Variants in FOXP1 observed in about 807,000 individuals in gnomAD.
The protein encoded by FOXP1 is forkhead box P1.
A neutral mutation model predicts 98.2 loss-of-function variants in FOXP1; 15 were observed. The ratio of observed to expected loss-of-function variants is 0.15; its 90% CI spans 0.10 to 0.24. The LOEUF (loss-of-function observed/expected upper bound fraction) is 0.24. Ranked by LOEUF, FOXP1 falls within the 10% of genes least tolerant of loss-of-function variation. The pLI is 1.00. For missense variants in FOXP1, 633 were observed against 848.5 expected (o/e 0.75, Z 3.15); for synonymous variants, 371 against 314.5 (o/e 1.18, Z -1.90).
In FOXP1 at chr3:71,541,265, G is replaced by T. The variant is rs530956300; in HGVS notation, c.-298+40284C>A. On this transcript the variant is annotated intron_variant, in intron 2 of 20. Coordinates refer to ENST00000649528, the MANE Select transcript of FOXP1 (RefSeq NM_001349338.3). Reference sequence around the variant, plus strand: ...ATTCTCAGTCCCTGTTAAAAGAGAAGAATAATATTTGGGCATATGTAGACA... The same window carrying T: ...ATTCTCAGTCCCTGTTAAAAGAGAATAATAATATTTGGGCATATGTAGACA... Among the ~76,000 whole-genome samples, 149 of 152,214 alleles carry T rather than the reference G, an allele frequency of 9.8e-4. 1 individual carries two copies. The highest frequency in any genetic ancestry group is 6.8e-3 in the Middle Eastern group (2 of 294).
At chr3:70,962,853 G>A (rs1361031553) in intron 20 of FOXP1, among the ~76,000 whole-genome samples, 1 of 152,136 alleles carries the variant, frequency 6.6e-6, no homozygotes, top group African/African-American at 2.4e-5. Context: ...AGTTCTTGCT[G>A]TATAATTTTA....
At chr3:71,583,451 C>G in intron 1 of FOXP1, 120 bp downstream of exon 1, 1 of 966,018 alleles carries the variant, frequency 1.0e-6, no homozygotes, top group Non-Finnish European at 1.2e-6. Context: ...TTTTTTTTCT[C>G]TTTTTCTTTC....
intron 6 of FOXP1, among the ~76,000 whole-genome samples, chr3:71,193,027 T>C (rs2063084873): frequency 6.6e-6 from 1 of 152,176 alleles, no homozygotes; most frequent in African/African-American, 2.4e-5. Context: ...GATACTATGG[T>C]CCCTCAAATA....
chr3:71,359,452 T>C (rs895540481), intron 3 of FOXP1, among the ~76,000 whole-genome samples: 1 of 152,192 alleles, frequency 6.6e-6, no homozygotes, highest in Non-Finnish European at 1.5e-5. Flanking sequence ...AGGAGGAGGA[T>C]GCAAAATGTT....
Position 71,528,938 on chromosome 3 carries a change from C to A in FOXP1, c.-297-35383G>T, listed in dbSNP as rs144610905. On this transcript the variant is annotated intron_variant, in intron 2 of 20. Transcript: ENST00000649528. Reference sequence around the variant, plus strand: ...AGGAATAGCGATCATGAATGTTTAACTTAGTAATGCTAAACTAAGAAGCAT... The same window carrying A: ...AGGAATAGCGATCATGAATGTTTAAATTAGTAATGCTAAACTAAGAAGCAT... 3.1e-3 allele frequency among the ~76,000 whole-genome samples: 471 copies of A among 152,280 alleles called. 3 individuals are homozygous for A. The highest frequency in any genetic ancestry group is 0.011 in the African/African-American group (464 of 41,546).
At chr3:71,573,480 T>A (rs1163122404) in intron 2 of FOXP1, 3 of 152,068 alleles carry the variant, frequency 2.0e-5, no homozygotes, top group Non-Finnish European at 4.4e-5. Flanking sequence ...GTATAAGAAT[T>A]TGTTGTAAGC....
chr3:71,210,702 G>A (rs911269914), intron 5 of FOXP1: 2 of 152,166 alleles, frequency 1.3e-5, no homozygotes, highest in Non-Finnish European at 2.9e-5. Flanking sequence ...CTACCCTATG[G>A]ATGACTAGGA....
chr3:71,141,982 A>G (rs937020524), intron 6 of FOXP1, among the ~76,000 whole-genome samples: 3 of 152,220 alleles, frequency 2.0e-5, no homozygotes, highest in Non-Finnish European at 4.4e-5. Flanking sequence ...TTAAGAAATT[A>G]ACTTATTGAA....
intron 6 of FOXP1, among the ~76,000 whole-genome samples, chr3:71,145,304 A>G (rs1285115387): frequency 6.6e-6 from 1 of 152,116 alleles, no homozygotes. Context: ...TGGGAGGTCA[A>G]GGCAGGTGGA....
chr3:70,972,334 C>G, intron 18 of FOXP1: 1 of 867,174 alleles, frequency 1.2e-6, no homozygotes, highest in Admixed American at 2.4e-5. Flanking sequence ...GCATTGCCAC[C>G]TAAAAGCTAC....
intron 2 of FOXP1, among the ~76,000 whole-genome samples, chr3:71,542,679 C>G (rs902459245): frequency 6.6e-6 from 1 of 152,208 alleles, no homozygotes; most frequent in Non-Finnish European, 1.5e-5. Flanking sequence ...GGCAGACACA[C>G]AGAGGAGAGT....
intron 3 of FOXP1, among the ~76,000 whole-genome samples, chr3:71,365,746 AG>A (rs2107943046): frequency 6.6e-6 from 1 of 152,334 alleles, no homozygotes; most frequent in South Asian, 2.1e-4. Context: ...GCACTTTGGG[AG>A]GCCAAGCCCG....
intron 6 of FOXP1, among the ~76,000 whole-genome samples, chr3:71,196,394 CAT>C (rs1259762769): frequency 6.6e-6 from 1 of 152,070 alleles, no homozygotes; most frequent in Non-Finnish European, 1.5e-5. Context: ...TGTGTGTGCA[CAT>C]GTTTTGATGG....
At chr3:71,168,673 C>G (rs991571571) in intron 6 of FOXP1, among the ~76,000 whole-genome samples, 5 of 152,226 alleles carry the variant, frequency 3.3e-5, no homozygotes, top group African/African-American at 1.2e-4. Context: ...CATACCTCCA[C>G]TCTTGGTAGA....
At chr3:71,309,179 TCTC>T (rs2074514153) in intron 4 of FOXP1, among the ~76,000 whole-genome samples, 1 of 152,150 alleles carries the variant, frequency 6.6e-6, no homozygotes, top group Admixed American at 6.5e-5. Flanking sequence ...CATGTGTCTG[TCTC>T]CTCATCTATC....
chr3:71,259,317 G>C (rs1244508177), intron 5 of FOXP1, among the ~76,000 whole-genome samples: 1 of 152,208 alleles, frequency 6.6e-6, no homozygotes, highest in African/African-American at 2.4e-5. Flanking sequence ...TTAGTTTTAT[G>C]ACCTAGAAAA....
At chr3:71,383,258 C>A (rs139042205) in intron 3 of FOXP1, among the ~76,000 whole-genome samples, 4 of 152,154 alleles carry the variant, frequency 2.6e-5, no homozygotes, top group African/African-American at 9.7e-5. Context: ...CTTTGGCATC[C>A]TTAATTTCTA....
At chr3:71,082,503 A>T (rs147208002) in intron 7 of FOXP1, among the ~76,000 whole-genome samples, 5,432 of 151,944 alleles carry the variant, frequency 0.036, 206 homozygotes, top group Admixed American at 0.11. Context: ...GAGGGATAAC[A>T]TTAGGAGAAA....
intron 5 of FOXP1, among the ~76,000 whole-genome samples, chr3:71,229,025 G>A (rs562386175): frequency 6.8e-6 from 1 of 148,114 alleles, no homozygotes; most frequent in Non-Finnish European, 1.5e-5. Flanking sequence ...GAGCAGACCT[G>A]TATTTTATAA....
Sources: allele counts gnomAD v4.1 joint callset (sites outside exome capture counted in the v4.1 genomes callset), GRCh38; gene constraint gnomAD v4.1.1; transcripts MANE v1.5; gene names NCBI Gene and HGNC (gene_info 2026-07-23, HGNC 2026-07-21).